The following MRTFA variants were observed in gnomAD, a reference collection of about 807,000 sequenced individuals.
The protein encoded by MRTFA is myocardin-related transcription factor A.
Under a neutral mutation model 83.5 loss-of-function variants are expected in MRTFA, and 20 were observed. The ratio of observed to expected loss-of-function variants is 0.24; its 90% CI spans 0.17 to 0.35. MRTFA has a LOEUF of 0.35. Ranked by LOEUF, MRTFA falls within the 10% of genes least tolerant of loss-of-function variation. The probability of loss-of-function intolerance (pLI) is 1.00; values close to 1 mark genes in which losing one functional copy is unlikely to be tolerated. For synonymous variants in MRTFA, 659 were observed against 541.2 expected (o/e 1.22, Z -3.02); for missense variants, 1,200 against 1,224.7 (o/e 0.98, Z 0.30).
chr22:40,600,214 T>C (rs1047930635), intron 1 of MRTFA, among the ~76,000 whole-genome samples: 2 of 152,020 alleles, frequency 1.3e-5, no homozygotes, highest in African/African-American at 4.8e-5. Flanking sequence ...AAGAGAAGAT[T>C]AAATAAACTA....
At chr22:40,545,447 T>G (rs1213256166) in intron 3 of MRTFA, among the ~76,000 whole-genome samples, 1 of 151,866 alleles carries the variant, frequency 6.6e-6, no homozygotes, top group African/African-American at 2.4e-5. Context: ...TTTTTTTTTT[T>G]GAGATGAAGT....
At chr22:40,431,739 T>TA (rs957129931) in intron 5 of MRTFA, among the ~76,000 whole-genome samples, 4 of 152,066 alleles carry the variant, frequency 2.6e-5, no homozygotes, top group Non-Finnish European at 5.9e-5. Context: ...ATATATCTAT[T>TA]AAAAAACTAT....
At chr22:40,621,765 A>C (rs1024041703) in intron 1 of MRTFA, among the ~76,000 whole-genome samples, 1 of 151,924 alleles carries the variant, frequency 6.6e-6, no homozygotes, top group African/African-American at 2.4e-5. Flanking sequence ...AAAATTACTC[A>C]CAGGCTTTGA....
At chr22:40,616,878 C>T (rs1186249076) in intron 1 of MRTFA, among the ~76,000 whole-genome samples, 1 of 151,866 alleles carries the variant, frequency 6.6e-6, no homozygotes. Context: ...GCAGGCGGAT[C>T]ACTTAAACCC....
At chr22:40,502,167 C>CCA in intron 3 of MRTFA, among the ~76,000 whole-genome samples, 1 of 147,200 alleles carries the variant, frequency 6.8e-6, no homozygotes, top group East Asian at 2.1e-4. Flanking sequence ...GCTGACCCCC[C>CCA]CCACCTCCCT....
chr22:40,415,383 C>A (rs553146617), intron 14 of MRTFA: 5 of 152,372 alleles, frequency 3.3e-5, no homozygotes, highest in Non-Finnish European at 5.9e-5. Flanking sequence ...GAATTACAGA[C>A]CTCACAGGAA....
intron 7 of MRTFA, 85 bp downstream of exon 7, chr22:40,429,521 T>A: frequency 6.6e-7 from 1 of 1,519,674 alleles, no homozygotes. Flanking sequence ...GTCAAGAGCC[T>A]CAGCCCAATT....
chr22:40,451,675 G>A (rs1040486066), intron 4 of MRTFA, among the ~76,000 whole-genome samples: 1 of 152,116 alleles, frequency 6.6e-6, no homozygotes. Context: ...AATTCCAAAA[G>A]GTTAACATAC....
intron 3 of MRTFA, among the ~76,000 whole-genome samples, chr22:40,472,458 G>A (rs760437906): frequency 2.6e-5 from 4 of 152,232 alleles, no homozygotes; most frequent in Middle Eastern, 3.4e-3. Context: ...CTTTTGCTGT[G>A]TTTTGAACAA....
In MRTFA at chr22:40,411,769, C is replaced by G. The variant is rs757282590; in HGVS notation, c.2717G>C (p.Gly906Ala). ...CAGGCGTCCAGGGAGGGAGGGTGAGCCTGGAGGAGGTGGGGCAGCCTGGGG... is the reference window on the plus strand; with the variant it reads ...CAGGCGTCCAGGGAGGGAGGGTGAGGCTGGAGGAGGTGGGGCAGCCTGGGG... Residue 906 changes from glycine (G) to alanine (A), a missense_variant, in exon 15 of 15, where the codon GGC becomes GCC. Around this residue, in one of 2 missense-constraint regions of MRTFA, gnomAD observed 1,107 missense variants for 1,041.8 expected, o/e 1.06. Coordinates refer to ENST00000355630, the MANE Select transcript of MRTFA (RefSeq NM_020831.6). 5.2e-6 allele frequency: 8 copies of G among 1,535,820 alleles called. No homozygotes were observed. The highest frequency in any genetic ancestry group is 7.0e-6 in the Non-Finnish European group (8 of 1,135,700).
At chr22:40,585,600 G>A (rs2056016439) in intron 2 of MRTFA, among the ~76,000 whole-genome samples, 2 of 152,150 alleles carry the variant, frequency 1.3e-5, no homozygotes, top group African/African-American at 2.4e-5. Flanking sequence ...AATGAAAGTG[G>A]GGGAAAGAAA....
At chr22:40,531,029 T>C (rs1448356212) in intron 3 of MRTFA, among the ~76,000 whole-genome samples, 1 of 152,090 alleles carries the variant, frequency 6.6e-6, no homozygotes, top group African/African-American at 2.4e-5. Context: ...AAGCTAATAA[T>C]CTAATTAGGA....
intron 3 of MRTFA, among the ~76,000 whole-genome samples, chr22:40,483,964 C>A (rs2054134077): frequency 6.6e-6 from 1 of 152,076 alleles, no homozygotes; most frequent in African/African-American, 2.4e-5. Context: ...ACCTCAACCT[C>A]CCAAAATGTT....
At chr22:40,450,770 A>G (rs2053472289) in intron 4 of MRTFA, among the ~76,000 whole-genome samples, 1 of 152,046 alleles carries the variant, frequency 6.6e-6, no homozygotes, top group Non-Finnish European at 1.5e-5. Context: ...CTCAATTTTC[A>G]AAGATTTTTT....
intron 4 of MRTFA, among the ~76,000 whole-genome samples, chr22:40,449,250 G>A (rs2053441695): frequency 7.2e-6 from 1 of 139,732 alleles, no homozygotes; most frequent in Admixed American, 7.8e-5. Flanking sequence ...CTGGGTGACA[G>A]AACGAGACTC....
At chr22:40,466,719 T>C (rs1357504988) in intron 3 of MRTFA, among the ~76,000 whole-genome samples, 1 of 152,214 alleles carries the variant, frequency 6.6e-6, no homozygotes, top group African/African-American at 2.4e-5. Context: ...GCAATGGCTA[T>C]TAATCCAAGA....
intron 3 of MRTFA, among the ~76,000 whole-genome samples, chr22:40,498,523 G>GATCC (rs1338259242): frequency 6.6e-6 from 1 of 151,542 alleles, no homozygotes; most frequent in Non-Finnish European, 1.5e-5. Flanking sequence ...GGGCTCAAGA[G>GATCC]ATCCACCCAC....
chr22:40,550,852 C>CTTTTTT (rs111531159), intron 3 of MRTFA, among the ~76,000 whole-genome samples: 2 of 89,516 alleles, frequency 2.2e-5, no homozygotes, highest in African/African-American at 3.6e-5. Context: ...TTTCTTTTTT[C>CTTTTTT]TTTTTTTTTT....
At position 40,423,649 on chromosome 22, in the gene MRTFA, C is replaced by A; in HGVS notation, c.814G>T (p.Glu272Ter). The change falls in exon 9 of 15, where the codon GAA becomes TAA. Residue 272 changes from glutamate (E) to a stop codon, truncating the protein, a stop_gained. Coordinates refer to ENST00000355630, the MANE Select transcript of MRTFA (RefSeq NM_020831.6). LOFTEE classifies it high-confidence loss of function. The stretch of plus-strand genomic sequence containing the variant: ...GGCTGCTCTGCCAGGAAAAGCATTT[C>A]TCTGGAATCCCGGCCCATCGGAAGT... 1 of 1,586,434 alleles carries A rather than the reference C, an allele frequency of 6.3e-7. No individual in the cohort carries two copies. The highest frequency in any genetic ancestry group is 8.6e-7 in the Non-Finnish European group (1 of 1,165,432).
Sources: gnomAD v4.1 joint callset for allele counts (sites outside exome capture counted in the v4.1 genomes callset) on GRCh38, gnomAD v4.1.1 for gene constraint, gnomAD v4.1.1 regional missense constraint, MANE v1.5 for transcripts, NCBI Gene and HGNC (gene_info 2026-07-23, HGNC 2026-07-21) for gene names.